The following XKR6 variants were observed in gnomAD, a reference collection of about 807,000 sequenced individuals.
The protein encoded by XKR6 is XK-related protein 6.
In XKR6, 22 loss-of-function variants were observed where a neutral mutation model predicts 56.7. That is an observed-to-expected ratio of 0.39 (90% CI 0.28 to 0.55). The LOEUF is 0.55. Among genes scored for constraint, XKR6 ranks in the 20% least tolerant of loss-of-function variants. The pLI is 0.66. For missense variants in XKR6, 852 were observed against 889.0 expected (o/e 0.96, Z 0.53); for synonymous variants, 524 against 387.8 (o/e 1.35, Z -4.13).
intron 1 of XKR6, among the ~76,000 whole-genome samples, chr8:11,129,795 A>G (rs1800011396): frequency 6.6e-6 from 1 of 151,582 alleles, no homozygotes; most frequent in African/African-American, 2.4e-5. Context: ...CTATCCAGCC[A>G]AGCCAACTGT....
At chr8:11,159,156 C>T (rs1801670231) in intron 1 of XKR6, among the ~76,000 whole-genome samples, 1 of 152,230 alleles carries the variant, frequency 6.6e-6, no homozygotes. Flanking sequence ...AGTTAATACA[C>T]ATCAGCTGTT....
At chr8:11,160,874 T>C (rs953493895) in intron 1 of XKR6, among the ~76,000 whole-genome samples, 40 of 125,952 alleles carry the variant, frequency 3.2e-4, no homozygotes, top group Non-Finnish European at 1.1e-4. Context: ...ATCACACCAC[T>C]GCACTCCAGC....
intron 1 of XKR6, among the ~76,000 whole-genome samples, chr8:11,006,665 G>T (rs1028897126): frequency 2.6e-5 from 4 of 152,138 alleles, no homozygotes; most frequent in African/African-American, 9.7e-5. Flanking sequence ...CAAGCAGAGG[G>T]AATAGCATGT....
intron 1 of XKR6, among the ~76,000 whole-genome samples, chr8:10,980,673 T>C (rs1043355820): frequency 5.9e-5 from 9 of 152,360 alleles, no homozygotes; most frequent in African/African-American, 2.2e-4. Context: ...TCTATCTGTC[T>C]GTCTATCTCT....
At chr8:11,059,670 ACAGGTGCGGCGGGCGC>A (rs1563110068) in intron 1 of XKR6, among the ~76,000 whole-genome samples, 28 of 130,112 alleles carry the variant, frequency 2.2e-4, no homozygotes, top group African/African-American at 1.2e-3. Context: ...GCGGGGCGGG[ACAGGTGCGGCGGGCGC>A]GGGGCGGGAC....
At chr8:10,900,711 CAT>C (rs907505888) in intron 2 of XKR6, among the ~76,000 whole-genome samples, 4 of 152,200 alleles carry the variant, frequency 2.6e-5, no homozygotes, top group African/African-American at 7.2e-5. Context: ...CAAGACATCT[CAT>C]GTGTGTCTGC....
At chr8:10,978,593 G>A (rs763646920) in intron 1 of XKR6, among the ~76,000 whole-genome samples, 2 of 152,122 alleles carry the variant, frequency 1.3e-5, no homozygotes, top group African/African-American at 4.8e-5. Flanking sequence ...CAAGACACTC[G>A]GCCCAAGGTA....
At chr8:11,114,168 A>G (rs1755926805) in intron 1 of XKR6, 3 of 374,320 alleles carry the variant, frequency 8.0e-6, no homozygotes, top group South Asian at 6.1e-5. Context: ...AATATAAAAT[A>G]TTAGAAGCCA....
chr8:10,987,670 G>T (rs1797893215), intron 1 of XKR6, among the ~76,000 whole-genome samples: 1 of 152,174 alleles, frequency 6.6e-6, no homozygotes, highest in East Asian at 1.9e-4. Context: ...TCTCTTCTCT[G>T]CTCAAAGCCC....
chr8:11,086,887 C>T lies in XKR6; in HGVS notation c.764+113689G>A, dbSNP rs149516580. On this transcript the variant is annotated intron_variant, in intron 1 of 2. Transcript: ENST00000416569. ...AGAAATATTCGAAACAGAACAGAGGCGTCGGAGGTCACCCGGCCAGTCCTG... is the reference window on the plus strand; with the variant it reads ...AGAAATATTCGAAACAGAACAGAGGTGTCGGAGGTCACCCGGCCAGTCCTG... Among the ~76,000 whole-genome samples the T allele has an allele frequency of 2.4e-3, 372 of 152,332 alleles. 1 individual carries two copies. The highest frequency in any genetic ancestry group is 8.7e-3 in the African/African-American group (361 of 41,572).
intron 1 of XKR6, chr8:11,137,472 G>A (rs914564023): frequency 2.3e-6 from 1 of 436,502 alleles, no homozygotes; most frequent in African/African-American, 2.0e-5. Flanking sequence ...CGACACGGAA[G>A]TCTTATCTGA....
intron 1 of XKR6, among the ~76,000 whole-genome samples, chr8:11,002,065 T>G (rs1181999197): frequency 7.9e-6 from 1 of 127,076 alleles, no homozygotes; most frequent in East Asian, 2.2e-4. Flanking sequence ...CCATGTGAGT[T>G]AAAAAAAAAA....
At chr8:11,116,150 T>A (rs536855282) in intron 1 of XKR6, among the ~76,000 whole-genome samples, 1 of 152,230 alleles carries the variant, frequency 6.6e-6, no homozygotes, top group African/African-American at 2.4e-5. Context: ...GAAAACTGTA[T>A]GCTGGTCTTA....
At chr8:11,101,570 C>T (rs1192765522) in intron 1 of XKR6, among the ~76,000 whole-genome samples, 1 of 152,204 alleles carries the variant, frequency 6.6e-6, no homozygotes, top group Non-Finnish European at 1.5e-5. Context: ...TAACCACCTT[C>T]TCTTCTGTTC....
chr8:11,015,061 G>C (rs556463669), intron 1 of XKR6, among the ~76,000 whole-genome samples: 71 of 152,300 alleles, frequency 4.7e-4, no homozygotes, highest in Non-Finnish European at 8.5e-4. Flanking sequence ...CAGATTCCCA[G>C]AACAGACAAA....
chr8:10,969,163 G>A (rs992841320), intron 1 of XKR6, among the ~76,000 whole-genome samples: 2 of 152,246 alleles, frequency 1.3e-5, no homozygotes, highest in Admixed American at 6.5e-5. Flanking sequence ...CCTGAGAACC[G>A]GTATTTTTTA....
At chr8:11,182,567 T>C (rs1255971353) in intron 1 of XKR6, among the ~76,000 whole-genome samples, 2 of 152,360 alleles carry the variant, frequency 1.3e-5, no homozygotes, top group South Asian at 4.1e-4. Flanking sequence ...TGTGGATATA[T>C]TAGCAGTGGT....
intron 1 of XKR6, among the ~76,000 whole-genome samples, chr8:10,958,768 G>T (rs777087185): frequency 6.6e-6 from 1 of 152,190 alleles, no homozygotes; most frequent in South Asian, 2.1e-4. Context: ...ACAGAGAAAC[G>T]ATGGGCTCAT....
intron 2 of XKR6, among the ~76,000 whole-genome samples, chr8:10,899,757 T>C (rs1028260011): frequency 2.6e-5 from 4 of 152,178 alleles, no homozygotes; most frequent in Non-Finnish European, 5.9e-5. Context: ...GCCTCTGCAC[T>C]TTACTCCCTG....
Sources: allele counts gnomAD v4.1 joint callset (sites outside exome capture counted in the v4.1 genomes callset), GRCh38; gene constraint gnomAD v4.1.1; transcripts MANE v1.5; gene names NCBI Gene and HGNC (gene_info 2026-07-23, HGNC 2026-07-21).